KCND2: variants seen among roughly 807,000 people sequenced by gnomAD.
KCND2 encodes the protein potassium voltage-gated channel subfamily D member 2, also known as A-type voltage-gated potassium channel KCND2.
KCND2 carries 16 observed loss-of-function variants against 54.4 expected under a neutral mutation model. The ratio of observed to expected loss-of-function variants is 0.29; its 90% CI spans 0.20 to 0.45. KCND2 has a LOEUF of 0.45. Among genes scored for constraint, KCND2 ranks in the 20% least tolerant of loss-of-function variants. The probability of loss-of-function intolerance (pLI) is 1.00; values close to 1 mark genes in which losing one functional copy is unlikely to be tolerated. For missense variants in KCND2, 486 were observed against 824.2 expected (o/e 0.59, Z 5.02); for synonymous variants, 317 against 310.7 (o/e 1.02, Z -0.21).
intron 1 of KCND2, among the ~76,000 whole-genome samples, chr7:120,690,972 G>T (rs1792261298): frequency 6.6e-6 from 1 of 152,186 alleles, no homozygotes; most frequent in South Asian, 2.1e-4. Flanking sequence ...AGTGTGGTCA[G>T]AAAAGTCTAC....
chr7:120,707,973 G>A (rs2116055276), intron 1 of KCND2, among the ~76,000 whole-genome samples: 1 of 152,142 alleles, frequency 6.6e-6, no homozygotes, highest in Admixed American at 6.6e-5. Flanking sequence ...GCTTCATTAA[G>A]CAAGATGATA....
At chr7:120,503,646 C>T (rs1802970553) in intron 1 of KCND2, among the ~76,000 whole-genome samples, 1 of 152,062 alleles carries the variant, frequency 6.6e-6, no homozygotes, top group African/African-American at 2.4e-5. Flanking sequence ...AGCTTGCCCA[C>T]GATTCTGCTC....
At chr7:120,513,257 A>C (rs542413054) in intron 1 of KCND2, among the ~76,000 whole-genome samples, 41 of 152,290 alleles carry the variant, frequency 2.7e-4, no homozygotes, top group African/African-American at 9.6e-4. Context: ...TACCTGAAGC[A>C]TGTTTTCAGA....
At chr7:120,481,965 G>A (rs886133780) in intron 1 of KCND2, among the ~76,000 whole-genome samples, 5 of 152,064 alleles carry the variant, frequency 3.3e-5, no homozygotes, top group Non-Finnish European at 1.5e-5. Context: ...ACAGGAACAG[G>A]GCTACTGGCA....
intron 1 of KCND2, among the ~76,000 whole-genome samples, chr7:120,510,831 G>A (rs902043258): frequency 3.3e-5 from 5 of 151,760 alleles, no homozygotes; most frequent in Non-Finnish European, 4.4e-5. Context: ...CCATGCAGCA[G>A]CCTCGTCCCT....
chr7:120,647,897 A>T (rs1286452761), intron 1 of KCND2, among the ~76,000 whole-genome samples: 1 of 152,178 alleles, frequency 6.6e-6, no homozygotes, highest in East Asian at 1.9e-4. Flanking sequence ...TATGCATAGA[A>T]GTATGTATGC....
intron 1 of KCND2, among the ~76,000 whole-genome samples, chr7:120,446,892 A>G (rs1197235910): frequency 6.6e-6 from 1 of 152,182 alleles, no homozygotes; most frequent in Non-Finnish European, 1.5e-5. Context: ...GCATTTCTAA[A>G]AACTTGATTT....
chr7:120,519,878 G>A (rs751071782), intron 1 of KCND2, among the ~76,000 whole-genome samples: 1 of 151,950 alleles, frequency 6.6e-6, no homozygotes, highest in Non-Finnish European at 1.5e-5. Flanking sequence ...AAATTCTTAC[G>A]TGATTGAAGC....
At chr7:120,595,548 T>G (rs918031773) in intron 1 of KCND2, among the ~76,000 whole-genome samples, 4 of 140,336 alleles carry the variant, frequency 2.9e-5, no homozygotes, top group African/African-American at 1.0e-4. Flanking sequence ...TATGTATATG[T>G]GTGTGTGTAT....
chr7:120,524,093 G>A (rs1222617641), intron 1 of KCND2, among the ~76,000 whole-genome samples: 1 of 151,814 alleles, frequency 6.6e-6, no homozygotes, highest in Non-Finnish European at 1.5e-5. Flanking sequence ...AAATTAGTTG[G>A]GCGTGGTGGG....
intron 1 of KCND2, among the ~76,000 whole-genome samples, chr7:120,351,312 T>TA (rs1363623901): frequency 1.4e-5 from 2 of 146,940 alleles, no homozygotes; most frequent in Non-Finnish European, 3.0e-5. Context: ...ATACAATTTT[T>TA]AAAAAATTAA....
intron 1 of KCND2, among the ~76,000 whole-genome samples, chr7:120,588,780 T>A (rs73217291): frequency 0.079 from 12,022 of 152,172 alleles, 520 homozygotes; most frequent in Admixed American, 0.1. Context: ...GAGGACTGAA[T>A]TAATTTTATT....
At chr7:120,408,521 G>A (rs1380176054) in intron 1 of KCND2, among the ~76,000 whole-genome samples, 1 of 151,876 alleles carries the variant, frequency 6.6e-6, no homozygotes, top group African/African-American at 2.4e-5. Context: ...AACAGCAAGG[G>A]TATGATCTGA....
intron 2 of KCND2, among the ~76,000 whole-genome samples, chr7:120,735,106 C>A (rs1033549852): frequency 6.6e-6 from 1 of 151,966 alleles, no homozygotes; most frequent in African/African-American, 2.4e-5. Flanking sequence ...TGGACAAATG[C>A]CTAGCCTTTA....
chr7:120,594,231 C>T (rs1053448587), intron 1 of KCND2, among the ~76,000 whole-genome samples: 3 of 152,300 alleles, frequency 2.0e-5, no homozygotes, highest in African/African-American at 7.2e-5. Context: ...GAACAAGTTT[C>T]TCACAGTAAA....
chr7:120,605,844 A>C (rs74876303), intron 1 of KCND2, among the ~76,000 whole-genome samples: 8,763 of 152,174 alleles, frequency 0.058, 269 homozygotes, highest in African/African-American at 0.075. Flanking sequence ...TTTCATGCTA[A>C]TTGGCCATTT....
intron 1 of KCND2, among the ~76,000 whole-genome samples, chr7:120,520,700 GTAAA>G (rs1791680174): frequency 6.6e-6 from 1 of 152,168 alleles, no homozygotes; most frequent in Admixed American, 6.6e-5. Flanking sequence ...TAAGTTGCTA[GTAAA>G]TGAAAGAAAA....
chr7:120,564,256 A>C (rs896193895), intron 1 of KCND2, among the ~76,000 whole-genome samples: 10 of 152,212 alleles, frequency 6.6e-5, no homozygotes, highest in African/African-American at 2.4e-4. Flanking sequence ...TATCACAGAT[A>C]AAGCTGCTTT....
At chr7:120,414,153 A>G (rs1801492315) in intron 1 of KCND2, among the ~76,000 whole-genome samples, 1 of 152,210 alleles carries the variant, frequency 6.6e-6, no homozygotes, top group East Asian at 1.9e-4. Flanking sequence ...TGAGAATGGT[A>G]TAAGTGTGCC....
Sources: allele counts gnomAD v4.1 joint callset (sites outside exome capture counted in the v4.1 genomes callset), GRCh38; gene constraint gnomAD v4.1.1; transcripts MANE v1.5; gene names NCBI Gene and HGNC (gene_info 2026-07-23, HGNC 2026-07-21).